DMD: variants seen among roughly 807,000 people sequenced by gnomAD.
DMD encodes the protein dystrophin, also known as mutant dystrophin.
DMD carries 63 observed loss-of-function variants against 330.1 expected under a neutral mutation model. That is an observed-to-expected ratio of 0.19 (90% CI 0.16 to 0.24). The LOEUF is 0.24. DMD is among the 10% of genes least tolerant of loss of function. DMD has a pLI of 1.00. For missense variants in DMD, 3,344 were observed against 2,684.1 expected (o/e 1.25, Z -5.43); for synonymous variants, 1,223 against 959.8 (o/e 1.27, Z -5.07).
At chrX:33,283,671 G>A (rs764585420) in intron 1 of DMD, among the ~76,000 whole-genome samples, 6 of 110,986 alleles carry the variant, frequency 5.4e-5, no homozygotes, top group Non-Finnish European at 1.1e-4. Context: ...TCAATTTACA[G>A]AAATATATAA....
intron 1 of DMD, among the ~76,000 whole-genome samples, chrX:33,050,610 G>A (rs771790779): frequency 3.9e-4 from 43 of 111,490 alleles, no homozygotes; most frequent in African/African-American, 1.3e-3. Flanking sequence ...GAGCCTTAAT[G>A]ATTTCAACCT....
rs2042299501 is a variant in DMD at position 32,485,239 on chromosome X, T to C, written c.2623-140A>G. ...ATCTGATAAGAAACATCCATGACAG[T>C]ATAGACAAGCCTCTATCACCAGCCA... On this transcript the variant is annotated intron_variant, in intron 20 of 78. Coordinates refer to ENST00000357033, the MANE Select transcript of DMD (RefSeq NM_004006.3). 7.1e-6 allele frequency: 4 copies of C among 566,208 alleles called. No individual in the cohort carries two copies. In the South Asian group the frequency reaches 8.1e-5, roughly 11 times the overall value. The allele number at this position is 566,208 out of a possible 1,213,427, so 46.7% of individuals were successfully genotyped here. A position where few individuals can be genotyped will look rare whatever the true frequency, so the allele number is the denominator to read the frequency against.
chrX:33,225,961 T>C (rs773864761), intron 1 of DMD, among the ~76,000 whole-genome samples: 4 of 111,452 alleles, frequency 3.6e-5, no homozygotes, highest in Non-Finnish European at 5.7e-5. Flanking sequence ...GCGGATAAGC[T>C]TGTGAAAAGA....
chrX:31,469,282 T>G (rs112980448), intron 59 of DMD, among the ~76,000 whole-genome samples: 26,271 of 111,038 alleles, frequency 0.24, 2,772 homozygotes, highest in African/African-American at 0.4. Context: ...TTACAATTTG[T>G]TATGTTTTTA....
intron 7 of DMD, among the ~76,000 whole-genome samples, chrX:32,732,018 C>A (rs150557876): frequency 0.17 from 18,947 of 110,418 alleles, 1,578 homozygotes; most frequent in Non-Finnish European, 0.25. Flanking sequence ...CTTTGAAAAA[C>A]ATTTAGAAGA....
chrX:32,357,132 G>A (rs1232437678), intron 37 of DMD, among the ~76,000 whole-genome samples: 2 of 111,616 alleles, frequency 1.8e-5, no homozygotes, highest in Non-Finnish European at 3.8e-5. Flanking sequence ...CAGGTGATCT[G>A]CCTGCAGCGG....
In DMD at chrX:32,881,998, G is replaced by A. The variant is rs551570451; in HGVS notation, c.94-32178C>T. Among the ~76,000 whole-genome samples the A allele has an allele frequency of 6.7e-4, 75 of 112,238 alleles. No individual in the cohort carries two copies. The South Asian group carries it at 0.021, about 32-fold the overall frequency. ...TGTCCTTATTAGCAGTTCCCTAGAC[G>A]TGCTTCTTCATGCCTGCAGCAGCAC... is the stretch of plus-strand genomic sequence containing the variant. On this transcript the variant is annotated intron_variant, in intron 2 of 78. Coordinates refer to ENST00000357033, the MANE Select transcript of DMD (RefSeq NM_004006.3).
At chrX:33,297,233 T>C (rs2053596968) in intron 1 of DMD, among the ~76,000 whole-genome samples, 1 of 111,703 alleles carries the variant, frequency 9.0e-6, no homozygotes, top group Admixed American at 9.5e-5. Context: ...AGTTTAAAAA[T>C]AGACTTTGAT....
chrX:32,346,155 C>A (rs956079778), intron 38 of DMD, 75 bp from the exon 39 acceptor site: 1 of 1,078,626 alleles, frequency 9.3e-7, no homozygotes, highest in African/African-American at 1.8e-5. Context: ...GATAATAAGA[C>A]ATGTTATTTA....
intron 63 of DMD, among the ~76,000 whole-genome samples, chrX:31,251,653 T>C (rs1411282013): frequency 1.8e-5 from 2 of 112,475 alleles, no homozygotes; most frequent in Non-Finnish European, 3.7e-5. Context: ...TTTATGTGAG[T>C]GCTCTGACTG....
intron 1 of DMD, among the ~76,000 whole-genome samples, chrX:33,149,125 A>C (rs1053705412): frequency 9.0e-6 from 1 of 110,777 alleles, no homozygotes; most frequent in Non-Finnish European, 1.9e-5. Context: ...TATTATTATT[A>C]CATTGTATTA....
At chrX:33,010,358 A>T (rs1445404776) in intron 2 of DMD, among the ~76,000 whole-genome samples, 1 of 104,618 alleles carries the variant, frequency 9.6e-6, no homozygotes, top group Non-Finnish European at 1.9e-5. Context: ...GTGTGTATGT[A>T]TATCCATATA....
intron 21 of DMD, among the ~76,000 whole-genome samples, chrX:32,479,718 T>C (rs1010233918): frequency 3.7e-5 from 4 of 109,382 alleles, no homozygotes; most frequent in Non-Finnish European, 7.6e-5. Flanking sequence ...TATATCAGTA[T>C]ATATATCTCT....
intron 2 of DMD, among the ~76,000 whole-genome samples, chrX:32,933,236 G>A (rs2089738330): frequency 8.9e-6 from 1 of 111,954 alleles, no homozygotes; most frequent in South Asian, 3.7e-4. Flanking sequence ...AGAGACTAGA[G>A]ATATTAAGAA....
chrX:32,341,876 A>C (rs1246306441), intron 41 of DMD, among the ~76,000 whole-genome samples: 1 of 111,409 alleles, frequency 9.0e-6, no homozygotes, highest in East Asian at 2.8e-4. Context: ...ATTTTTGATA[A>C]GGGGTTTTCC....
At chrX:31,712,828 T>A (rs187481874) in intron 52 of DMD, among the ~76,000 whole-genome samples, 144 of 111,873 alleles carry the variant, frequency 1.3e-3, no homozygotes, top group Middle Eastern at 9.2e-3. Flanking sequence ...AAGTTTCATG[T>A]CTTTTCTGGT....
intron 44 of DMD, among the ~76,000 whole-genome samples, chrX:32,130,076 A>G (rs780467672): frequency 2.0e-4 from 21 of 105,763 alleles, no homozygotes; most frequent in African/African-American, 7.0e-4. Context: ...TTGAGGTCTC[A>G]GTGACATATA....
chrX:32,390,890 A>G (rs920867003), intron 30 of DMD, among the ~76,000 whole-genome samples: 2 of 111,774 alleles, frequency 1.8e-5, no homozygotes, highest in African/African-American at 6.5e-5. Context: ...AATCTAAGAA[A>G]TGGAAGTCAA....
chrX:31,319,685 G>A lies in DMD; in HGVS notation c.9224+3913C>T, dbSNP rs776159009. Among the ~76,000 whole-genome samples, 15 of 112,607 alleles carry A rather than the reference G, an allele frequency of 1.3e-4. 1 individual carries two copies. In the South Asian group the frequency reaches 5.5e-3, roughly 42 times the overall value. On this transcript the variant is annotated intron_variant, in intron 62 of 78. Coordinates refer to ENST00000357033, the MANE Select transcript of DMD (RefSeq NM_004006.3). Reference sequence around the variant, plus strand: ...GACAGAGTTCCGGGCTAGTTGCCCTGTTGGTCTGACCCAGTGTGATATTTC... The same window carrying A: ...GACAGAGTTCCGGGCTAGTTGCCCTATTGGTCTGACCCAGTGTGATATTTC...
Sources: gnomAD v4.1 joint callset for allele counts (sites outside exome capture counted in the v4.1 genomes callset) on GRCh38, gnomAD v4.1.1 for gene constraint, MANE v1.5 for transcripts, NCBI Gene and HGNC (gene_info 2026-07-23, HGNC 2026-07-21) for gene names.